The following PDZRN3 variants were observed in gnomAD, a reference collection of about 807,000 sequenced individuals.
PDZRN3 encodes PDZ domain containing ring finger 3, also known as E3 ubiquitin-protein ligase PDZRN3.
PDZRN3 carries 38 observed loss-of-function variants against 85.7 expected under a neutral mutation model. That is an observed-to-expected ratio of 0.44 (90% CI 0.34 to 0.58). The LOEUF (loss-of-function observed/expected upper bound fraction) is 0.58, where lower values mean the gene tolerates loss of function less well. PDZRN3 is among the 20% of genes least tolerant of loss of function. PDZRN3 has a pLI of 0.01. For missense variants in PDZRN3, 1,629 were observed against 1,506.4 expected, an observed-to-expected ratio of 1.08 and a Z score of -1.35; for synonymous variants, 759 against 638.0, an observed-to-expected ratio of 1.19 and a Z score of -2.86.
Position 73,470,307 on chromosome 3 carries a change from T to C in PDZRN3, c.919-65912A>G, listed in dbSNP as rs1391529144. On this transcript the variant is annotated intron_variant, in intron 3 of 9. Transcript: ENST00000263666. ...TAGTAAGTGAAATTGCCGTGTAAAC[T>C]ATATAGTGTTAGATAACTAAAATTA... Among the ~76,000 whole-genome samples, 5 of 152,250 alleles carry C rather than the reference T, an allele frequency of 3.3e-5. No homozygotes were observed. The East Asian group carries it at 9.6e-4, about 29-fold the overall frequency.
intron 3 of PDZRN3, among the ~76,000 whole-genome samples, chr3:73,450,550 A>C (rs1363856523): frequency 6.6e-6 from 1 of 152,198 alleles, no homozygotes; most frequent in African/African-American, 2.4e-5. Flanking sequence ...CTATACATCT[A>C]ATCAGTATAT....
intron 3 of PDZRN3, among the ~76,000 whole-genome samples, chr3:73,467,276 A>G (rs2106877381): frequency 6.6e-6 from 1 of 152,366 alleles, no homozygotes; most frequent in South Asian, 2.1e-4. Context: ...CTGGTGACAT[A>G]TAATTGACAA....
chr3:73,386,555 T>C (rs759992427), intron 8 of PDZRN3, among the ~76,000 whole-genome samples: 2 of 152,224 alleles, frequency 1.3e-5, no homozygotes, highest in African/African-American at 2.4e-5. Context: ...TATTCAGAAG[T>C]TGGCACTCTA....
chr3:73,499,542 T>C (rs1343229191), intron 3 of PDZRN3, among the ~76,000 whole-genome samples: 1 of 152,212 alleles, frequency 6.6e-6, no homozygotes, highest in Admixed American at 6.5e-5. Context: ...GTGGATGCTC[T>C]AGATATTAAC....
At chr3:73,390,161 A>G (rs1256388270) in intron 6 of PDZRN3, among the ~76,000 whole-genome samples, 1 of 152,246 alleles carries the variant, frequency 6.6e-6, no homozygotes. Context: ...CTTTTGTTGC[A>G]TGCATGGTAA....
chr3:73,463,976 TTTTA>T (rs1703159520), intron 3 of PDZRN3, among the ~76,000 whole-genome samples: 1 of 146,152 alleles, frequency 6.8e-6, no homozygotes. Flanking sequence ...ATGTATTCTT[TTTTA>T]TTTTTTATTT....
At chr3:73,448,712 T>A (rs949128386) in intron 3 of PDZRN3, among the ~76,000 whole-genome samples, 1 of 152,158 alleles carries the variant, frequency 6.6e-6, no homozygotes, top group Non-Finnish European at 1.5e-5. Context: ...TGTTCAGACA[T>A]TGGGGTGCAT....
chr3:73,621,829 A>G (rs1330514598), intron 1 of PDZRN3: 1 of 152,186 alleles, frequency 6.6e-6, no homozygotes, highest in Non-Finnish European at 1.5e-5. Flanking sequence ...TAAGCTTAAC[A>G]TCCTTCTTTA....
intron 3 of PDZRN3, among the ~76,000 whole-genome samples, chr3:73,511,813 T>C (rs2106708535): frequency 6.6e-6 from 1 of 152,352 alleles, no homozygotes; most frequent in Non-Finnish European, 1.5e-5. Flanking sequence ...AAGTAGGGCC[T>C]TTCAGGCTGA....
At chr3:73,474,639 G>T in intron 3 of PDZRN3, 1 of 1,205,636 alleles carries the variant, frequency 8.3e-7, no homozygotes, top group Non-Finnish European at 1.1e-6. Context: ...TGCTATGGTT[G>T]TGGCAAGGGT....
intron 4 of PDZRN3, among the ~76,000 whole-genome samples, chr3:73,403,283 C>A (rs1701790879): frequency 6.6e-6 from 1 of 152,170 alleles, no homozygotes; most frequent in South Asian, 2.1e-4. Context: ...GAACTGGACA[C>A]CTTGGGGGCC....
At chr3:73,607,318 A>G (rs930808831) in intron 2 of PDZRN3, among the ~76,000 whole-genome samples, 2 of 152,234 alleles carry the variant, frequency 1.3e-5, no homozygotes, top group Non-Finnish European at 2.9e-5. Flanking sequence ...TACTGTGTAC[A>G]CATTATATAT....
chr3:73,418,016 C>CT (rs1702126709), intron 3 of PDZRN3, among the ~76,000 whole-genome samples: 1 of 152,140 alleles, frequency 6.6e-6, no homozygotes, highest in Non-Finnish European at 1.5e-5. Flanking sequence ...TAAGTGTGTA[C>CT]TTCTTTCTCA....
rs371602592 is a variant in PDZRN3 at position 73,489,575 on chromosome 3, CT to C, written c.919-85181del. Among the ~76,000 whole-genome samples, 17 of 80,096 alleles carry C rather than the reference CT, an allele frequency of 2.1e-4. 2 individuals carry two copies. The highest frequency in any genetic ancestry group is 2.9e-4 in the African/African-American group (6 of 20,764). 52.5% of individuals were successfully genotyped at this position (80,096 alleles called of 152,430 possible). ...GCCATGCATATGGGCAGTTTCTTTT[CT>C]TTTTTTTTTTTTTTGAGATGGAGTC... On this transcript the variant is annotated intron_variant, in intron 3 of 9. Transcript: ENST00000263666.
intron 1 of PDZRN3, among the ~76,000 whole-genome samples, chr3:73,618,559 G>A (rs1202428050): frequency 2.0e-5 from 3 of 152,114 alleles, no homozygotes; most frequent in African/African-American, 7.2e-5. Context: ...CACCTTAAGT[G>A]TATGGCACCC....
At chr3:73,591,990 A>G (rs1348596427) in intron 3 of PDZRN3, among the ~76,000 whole-genome samples, 1 of 152,178 alleles carries the variant, frequency 6.6e-6, no homozygotes, top group Admixed American at 6.5e-5. Context: ...ACAAGTGAAC[A>G]TATGTCTACT....
At chr3:73,581,817 A>AG (rs397703994) in intron 3 of PDZRN3, among the ~76,000 whole-genome samples, 11 of 151,302 alleles carry the variant, frequency 7.3e-5, no homozygotes, top group South Asian at 2.1e-4. Flanking sequence ...AAAAAAAAAA[A>AG]GCTGAACATG....
chr3:73,504,789 G>A (rs1455818907), intron 3 of PDZRN3, among the ~76,000 whole-genome samples: 1 of 152,190 alleles, frequency 6.6e-6, no homozygotes, highest in South Asian at 2.1e-4. Context: ...TCACTAGCTT[G>A]TATATATAAA....
intron 1 of PDZRN3, among the ~76,000 whole-genome samples, chr3:73,614,734 C>T (rs1046876950): frequency 1.1e-4 from 17 of 152,120 alleles, no homozygotes; most frequent in Non-Finnish European, 2.4e-4. Context: ...TTGAGGGGAC[C>T]AAGAGGTAGA....
Sources: gnomAD v4.1 joint callset for allele counts (sites outside exome capture counted in the v4.1 genomes callset) on GRCh38, gnomAD v4.1.1 for gene constraint, MANE v1.5 for transcripts, NCBI Gene and HGNC (gene_info 2026-07-23, HGNC 2026-07-21) for gene names.